Variants in MARCHF1 observed in about 807,000 individuals in gnomAD.
The protein encoded by MARCHF1 is membrane associated ring-CH-type finger 1, also known as E3 ubiquitin-protein ligase MARCHF1.
Under a neutral mutation model 54.2 loss-of-function variants are expected in MARCHF1, and 40 were observed. The ratio of observed to expected loss-of-function variants is 0.74; its 90% CI spans 0.57 to 0.96. The LOEUF (loss-of-function observed/expected upper bound fraction) is 0.96, where lower values mean the gene tolerates loss of function less well. MARCHF1 is among the 40% of genes least tolerant of loss of function. The probability of loss-of-function intolerance (pLI) is 0.00; values close to 1 mark genes in which losing one functional copy is unlikely to be tolerated. For synonymous variants in MARCHF1, 236 were observed against 236.3 expected (o/e 1.00, Z 0.01); for missense variants, 586 against 656.5 (o/e 0.89, Z 1.17).
intron 3 of MARCHF1, among the ~76,000 whole-genome samples, chr4:163,945,170 T>C (rs1177605747): frequency 1.3e-5 from 2 of 152,356 alleles, no homozygotes; most frequent in African/African-American, 4.8e-5. Flanking sequence ...TGTTATCTAT[T>C]TCTTTACAGA....
intron 3 of MARCHF1, among the ~76,000 whole-genome samples, chr4:163,950,042 GC>G (rs1389749425): frequency 6.6e-6 from 1 of 152,158 alleles, no homozygotes; most frequent in Non-Finnish European, 1.5e-5. Flanking sequence ...TCATGGGCGG[GC>G]CCAGGAAAAG....
chr4:163,993,142 G>A (rs1753000117), intron 2 of MARCHF1, among the ~76,000 whole-genome samples: 2 of 152,040 alleles, frequency 1.3e-5, no homozygotes, highest in South Asian at 4.1e-4. Context: ...ATTAATTGGA[G>A]AGTTAGGGAA....
intron 5 of MARCHF1, among the ~76,000 whole-genome samples, chr4:163,624,151 G>C (rs1353420477): frequency 6.6e-6 from 1 of 152,154 alleles, no homozygotes; most frequent in Admixed American, 6.5e-5. Context: ...ACTGTTCCAA[G>C]GCTTTGGTTA....
rs1318617339 is a variant in MARCHF1 at position 163,755,629 on chromosome 4, T to TC, written c.112-54767_112-54766insG. Among the ~76,000 whole-genome samples the TC allele has an allele frequency of 4.6e-5, 7 of 151,984 alleles. No homozygotes were observed. The South Asian group carries it at 8.3e-4, about 18-fold the overall frequency. ...CCAAAGGGCAAAGATCCCTTTTTTT[T>TC]TTTTTTCCTGAAGGAAAAAGATCCA... On this transcript the variant is annotated intron_variant, in intron 4 of 9. Coordinates refer to ENST00000514618, the MANE Select transcript of MARCHF1 (RefSeq NM_001394959.1).
intron 1 of MARCHF1, among the ~76,000 whole-genome samples, chr4:164,320,334 C>T (rs1735108624): frequency 1.3e-5 from 2 of 152,130 alleles, no homozygotes; most frequent in African/African-American, 4.8e-5. Flanking sequence ...TATCCAAAAT[C>T]TTTAATGAGA....
intron 5 of MARCHF1, among the ~76,000 whole-genome samples, chr4:163,639,698 A>AT (rs1742483871): frequency 6.6e-6 from 1 of 152,064 alleles, no homozygotes; most frequent in Non-Finnish European, 1.5e-5. Flanking sequence ...CACTATTTGG[A>AT]CTTTCAGACA....
At chr4:163,608,397 A>C (rs189228143) in intron 7 of MARCHF1, among the ~76,000 whole-genome samples, 1 of 152,176 alleles carries the variant, frequency 6.6e-6, no homozygotes, top group East Asian at 1.9e-4. Context: ...ATAGTTAATG[A>C]TGGGTGGTGG....
intron 3 of MARCHF1, among the ~76,000 whole-genome samples, chr4:163,874,819 T>G (rs1750255422): frequency 6.6e-6 from 1 of 152,186 alleles, no homozygotes; most frequent in South Asian, 2.1e-4. Flanking sequence ...ATAGAAGCAC[T>G]GAGTTGCTAA....
At chr4:163,947,469 G>T (rs533700492) in intron 3 of MARCHF1, among the ~76,000 whole-genome samples, 2 of 152,162 alleles carry the variant, frequency 1.3e-5, no homozygotes, top group Non-Finnish European at 1.5e-5. Context: ...AGGTGGGTCC[G>T]ATATAATCAC....
intron 4 of MARCHF1, among the ~76,000 whole-genome samples, chr4:163,714,748 G>A (rs1745208056): frequency 6.6e-6 from 1 of 152,114 alleles, no homozygotes; most frequent in Non-Finnish European, 1.5e-5. Context: ...ATGGTTCACT[G>A]CAGTCACCAC....
chr4:163,971,832 T>C, intron 3 of MARCHF1, among the ~76,000 whole-genome samples: 1 of 152,144 alleles, frequency 6.6e-6, no homozygotes, highest in Non-Finnish European at 1.5e-5. Context: ...TAAGATCTCA[T>C]CCAAAATTAT....
In MARCHF1 at chr4:163,740,235, C is replaced by G. The variant is rs1579245857; in HGVS notation, c.112-39372G>C. On this transcript the variant is annotated intron_variant, in intron 4 of 9. Transcript: ENST00000514618. The stretch of plus-strand genomic sequence containing the variant: ...AACTTACTGCTCTAACCTGACCTCA[C>G]TCAGTGTAGGACACATGCTATTCAC... Among the ~76,000 whole-genome samples the G allele has an allele frequency of 2.6e-5, 4 of 152,318 alleles. No homozygotes were observed. The South Asian group carries it at 8.3e-4, about 32-fold the overall frequency.
intron 4 of MARCHF1, among the ~76,000 whole-genome samples, chr4:163,825,042 G>A (rs1748809249): frequency 6.6e-6 from 1 of 151,876 alleles, no homozygotes; most frequent in Admixed American, 6.6e-5. Context: ...CACTGTTGGT[G>A]GGACCGTAAA....
intron 1 of MARCHF1, among the ~76,000 whole-genome samples, chr4:164,142,921 T>A: frequency 6.6e-6 from 1 of 151,884 alleles, no homozygotes. Flanking sequence ...TTGAAAACTT[T>A]GAAAAAAATT....
intron 5 of MARCHF1, among the ~76,000 whole-genome samples, chr4:163,671,682 T>C (rs1477268306): frequency 6.6e-6 from 1 of 152,154 alleles, no homozygotes; most frequent in Admixed American, 6.5e-5. Flanking sequence ...TATTTGTAAG[T>C]AAATGTATTC....
chr4:163,905,934 A>G (rs543839793), intron 3 of MARCHF1, among the ~76,000 whole-genome samples: 4 of 152,198 alleles, frequency 2.6e-5, no homozygotes, highest in African/African-American at 9.6e-5. Context: ...AGTCACATGG[A>G]AAGTTCAAAA....
chr4:164,000,555 G>T (rs184647115), intron 2 of MARCHF1, among the ~76,000 whole-genome samples: 4 of 151,722 alleles, frequency 2.6e-5, no homozygotes, highest in Non-Finnish European at 5.9e-5. Context: ...TACTTAAAAA[G>T]AATAAGCTGG....
Position 163,935,844 on chromosome 4 carries a change from A to G in MARCHF1, c.-39+52657T>C, listed in dbSNP as rs78389440. 3.3e-3 allele frequency among the ~76,000 whole-genome samples: 503 copies of G among 151,752 alleles called. 1 individual carries two copies. Among genetic ancestry groups the G allele is most frequent in the African/African-American group, 0.012 (486 of 41,398 alleles). ...CATGGATTCACTGGAGTAGAACTTT[A>G]ATTTCCTTTAAGAACTTTACATTTG... On this transcript the variant is annotated intron_variant, in intron 3 of 9. Coordinates refer to ENST00000514618, the MANE Select transcript of MARCHF1 (RefSeq NM_001394959.1).
intron 1 of MARCHF1, among the ~76,000 whole-genome samples, chr4:164,220,337 A>ATT (rs1379479839): frequency 6.8e-6 from 1 of 147,522 alleles, no homozygotes; most frequent in East Asian, 2.0e-4. Flanking sequence ...TAGGAATTCC[A>ATT]TTATATATAT....
Sources: allele counts gnomAD v4.1 joint callset (sites outside exome capture counted in the v4.1 genomes callset), GRCh38; gene constraint gnomAD v4.1.1; transcripts MANE v1.5; gene names NCBI Gene and HGNC (gene_info 2026-07-23, HGNC 2026-07-21).